Variants in NBAS observed in about 807,000 individuals in gnomAD.
The protein encoded by NBAS is NBAS subunit of NRZ tethering complex.
A neutral mutation model predicts 302.5 loss-of-function variants in NBAS; 219 were observed. The ratio of observed to expected loss-of-function variants is 0.72; its 90% confidence interval spans 0.65 to 0.81. The LOEUF (loss-of-function observed/expected upper bound fraction) is 0.81, where lower values mean the gene tolerates loss of function less well. NBAS is among the 30% of genes least tolerant of loss of function. The probability of loss-of-function intolerance (pLI) is 0.00; values close to 1 mark genes in which losing one functional copy is unlikely to be tolerated. For missense variants in NBAS, 2,932 were observed against 2,841.6 expected (o/e 1.03, Z -0.72); for synonymous variants, 1,118 against 1,021.6 (o/e 1.09, Z -1.80).
At chr2:15,375,930 G>A (rs1478884677) in intron 30 of NBAS, among the ~76,000 whole-genome samples, 4 of 151,862 alleles carry the variant, frequency 2.6e-5, no homozygotes, top group African/African-American at 9.7e-5. Flanking sequence ...AAAAAACAGG[G>A]CATAGAAAGG....
intron 32 of NBAS, among the ~76,000 whole-genome samples, chr2:15,361,143 C>T (rs1288711325): frequency 6.6e-6 from 1 of 152,124 alleles, no homozygotes; most frequent in African/African-American, 2.4e-5. Flanking sequence ...TATGGAACCA[C>T]CATTGCATAT....
chr2:15,372,980 A>G (rs1206625602), intron 31 of NBAS, among the ~76,000 whole-genome samples: 2 of 152,318 alleles, frequency 1.3e-5, no homozygotes, highest in African/African-American at 2.4e-5. Context: ...ACACACACAC[A>G]GAGTCAAATC....
chr2:15,092,864 T>C, the NBAS span, among the ~76,000 whole-genome samples: 2 of 152,200 alleles, frequency 1.3e-5, no homozygotes, highest in Non-Finnish European at 2.9e-5. Flanking sequence ...CTTTCAGAGC[T>C]GGTGAGTCAC....
At chr2:15,146,241 T>C in the NBAS span, among the ~76,000 whole-genome samples, 2 of 152,080 alleles carry the variant, frequency 1.3e-5, no homozygotes, top group South Asian at 4.1e-4. Flanking sequence ...TTCATAGAGT[T>C]GTGGTAAAGA....
the NBAS span, among the ~76,000 whole-genome samples, chr2:14,797,165 G>T: frequency 3.6e-5 from 2 of 56,208 alleles, no homozygotes; most frequent in Non-Finnish European, 6.7e-5. Context: ...CCTTTGGGTT[G>T]GGGGGTGACC....
chr2:15,130,490 C>T, the NBAS span, among the ~76,000 whole-genome samples: 1 of 152,232 alleles, frequency 6.6e-6, no homozygotes, highest in Non-Finnish European at 1.5e-5. Context: ...CCTACACAGT[C>T]AATGGGGCAC....
chr2:15,542,575 T>C (rs1663900134), intron 6 of NBAS, among the ~76,000 whole-genome samples: 1 of 148,724 alleles, frequency 6.7e-6, no homozygotes, highest in African/African-American at 2.5e-5. Flanking sequence ...ACTATTGTCC[T>C]GTGACCCTGC....
At chr2:15,281,476 G>A (rs747215183) in intron 42 of NBAS, among the ~76,000 whole-genome samples, 2 of 152,182 alleles carry the variant, frequency 1.3e-5, no homozygotes, top group African/African-American at 4.8e-5. Context: ...TGCAATGTTA[G>A]GTTGCCAGGG....
the NBAS span, among the ~76,000 whole-genome samples, chr2:15,040,983 C>A: frequency 1.3e-5 from 2 of 152,206 alleles, no homozygotes; most frequent in Non-Finnish European, 2.9e-5. Context: ...CCAGCTTCAT[C>A]CCCTCAAATC....
At chr2:15,320,007 T>C (rs183237381) in intron 38 of NBAS, among the ~76,000 whole-genome samples, 62 of 152,260 alleles carry the variant, frequency 4.1e-4, no homozygotes, top group African/African-American at 1.5e-3. Context: ...AATAAAATAC[T>C]GGCAAACCAA....
At chr2:15,163,964 T>C (rs1663955563), downstream of NBAS, among the ~76,000 whole-genome samples, 1 of 152,102 alleles carries the variant, frequency 6.6e-6, no homozygotes, top group Non-Finnish European at 1.5e-5. Flanking sequence ...GCCTGGCTAA[T>C]TTTTGTATTT....
At chr2:15,100,327 C>A in the NBAS span, among the ~76,000 whole-genome samples, 1 of 152,114 alleles carries the variant, frequency 6.6e-6, no homozygotes, top group South Asian at 2.1e-4. Flanking sequence ...TTAAAAAGAT[C>A]CAAGAGTGTG....
At chr2:14,861,082 G>A in the NBAS span, among the ~76,000 whole-genome samples, 2 of 152,118 alleles carry the variant, frequency 1.3e-5, no homozygotes, top group Non-Finnish European at 2.9e-5. Context: ...TGATGCTTAT[G>A]TGAAGATTTA....
the NBAS span, among the ~76,000 whole-genome samples, chr2:15,013,430 A>G: frequency 6.6e-6 from 1 of 152,352 alleles, no homozygotes; most frequent in East Asian, 1.9e-4. Flanking sequence ...CACAGGAGTG[A>G]GTCCTCCCTT....
At chr2:15,142,858 C>G in the NBAS span, among the ~76,000 whole-genome samples, 1 of 152,182 alleles carries the variant, frequency 6.6e-6, no homozygotes, top group Non-Finnish European at 1.5e-5. Flanking sequence ...CAGATGAGGG[C>G]AAGGAAGATG....
the NBAS span, among the ~76,000 whole-genome samples, chr2:14,989,277 T>C: frequency 8.7e-6 from 1 of 115,450 alleles, no homozygotes; most frequent in Non-Finnish European, 1.9e-5. Flanking sequence ...TATACATATA[T>C]AGTAGATGTA....
the NBAS span, among the ~76,000 whole-genome samples, chr2:15,156,100 T>G: frequency 6.6e-6 from 1 of 152,212 alleles, no homozygotes; most frequent in African/African-American, 2.4e-5. Flanking sequence ...AAATGTTGCC[T>G]TCTGAGTTTT....
chr2:15,236,901 T>G (rs904101935), intron 45 of NBAS, among the ~76,000 whole-genome samples: 11 of 152,096 alleles, frequency 7.2e-5, no homozygotes, highest in African/African-American at 2.7e-4. Flanking sequence ...TTTCAAAATT[T>G]TAAGTTCTTC....
At chr2:15,269,883 A>G (rs563269143) in intron 44 of NBAS, among the ~76,000 whole-genome samples, 1 of 152,210 alleles carries the variant, frequency 6.6e-6, no homozygotes, top group Admixed American at 6.5e-5. Flanking sequence ...GTAGTATCAA[A>G]GAAGAATACT....
Sources: gnomAD v4.1 joint callset for allele counts (sites outside exome capture counted in the v4.1 genomes callset) on GRCh38, gnomAD v4.1.1 for gene constraint, MANE v1.5 for transcripts, NCBI Gene and HGNC (gene_info 2026-07-23, HGNC 2026-07-21) for gene names.